The following ANK3 variants were observed in gnomAD, a reference collection of about 807,000 sequenced individuals.
ANK3 encodes the protein ankyrin 3.
In ANK3, 57 loss-of-function variants were observed where a neutral mutation model predicts 370.9. That is an observed-to-expected ratio of 0.15 (90% CI 0.12 to 0.19). ANK3 has a LOEUF of 0.19. ANK3 is among the 10% of genes least tolerant of loss of function. The pLI is 1.00. For synonymous variants in ANK3, 1,929 were observed against 1,946.3 expected, an observed-to-expected ratio of 0.99 and a Z score of 0.23; for missense variants, 4,439 against 5,302.1, an observed-to-expected ratio of 0.84 and a Z score of 5.06.
chr10:60,716,842 T>A (rs1478007585), intron 1 of ANK3, among the ~76,000 whole-genome samples: 2 of 152,166 alleles, frequency 1.3e-5, no homozygotes, highest in Admixed American at 1.3e-4. Flanking sequence ...AGGAAAAAGC[T>A]GAGAGTGGAG....
chr10:60,558,508 A>C (rs1055918507), intron 2 of ANK3, among the ~76,000 whole-genome samples: 1 of 152,204 alleles, frequency 6.6e-6, no homozygotes, highest in Non-Finnish European at 1.5e-5. Flanking sequence ...CAACTAACCA[A>C]GACTTTGAAC....
chr10:60,410,026 G>A (rs2063527864), intron 2 of ANK3, among the ~76,000 whole-genome samples: 1 of 152,036 alleles, frequency 6.6e-6, no homozygotes, highest in African/African-American at 2.4e-5. Flanking sequence ...TCTCCACCTA[G>A]ATTATGCCTC....
rs10994355 is a variant in ANK3, at chr10:60,450,024, A to G, written c.96+165162T>C. Among the ~76,000 whole-genome samples the G allele has an allele frequency of 7.2e-3, 1,104 of 152,332 alleles. 17 individuals carry two copies. Among genetic ancestry groups the G allele is most frequent in the African/African-American group, 0.025 (1,020 of 41,586 alleles). Reference sequence around the variant, plus strand: ...AGAGAAAAAGATAAAGAGGCTGGGCACAGTGACTCATGCTTATAATCCTAG... The same window carrying G: ...AGAGAAAAAGATAAAGAGGCTGGGCGCAGTGACTCATGCTTATAATCCTAG... On this transcript the variant is annotated intron_variant, in intron 2 of 43. Coordinates refer to the ANK3 transcript ENST00000373827.
chr10:60,034,200 G>A (rs891999560), intron 43 of ANK3, among the ~76,000 whole-genome samples: 5 of 136,630 alleles, frequency 3.7e-5, no homozygotes, highest in African/African-American at 5.6e-5. Flanking sequence ...TCCACCTCCC[G>A]GGCTCCAGTG....
intron 18 of ANK3, among the ~76,000 whole-genome samples, chr10:60,175,323 G>C (rs539587570): frequency 1.8e-4 from 28 of 152,282 alleles, no homozygotes; most frequent in Admixed American, 9.2e-4. Context: ...TCCATTCATC[G>C]GGGTTAACAG....
chr10:60,284,401 T>G (rs922543211), intron 1 of ANK3, among the ~76,000 whole-genome samples: 8 of 152,156 alleles, frequency 5.3e-5, no homozygotes, highest in African/African-American at 1.9e-4. Flanking sequence ...TAGCTCCATT[T>G]CATAGATAAG....
At chr10:60,564,111 T>C (rs1004021956) in intron 2 of ANK3, among the ~76,000 whole-genome samples, 2 of 152,194 alleles carry the variant, frequency 1.3e-5, no homozygotes, top group Non-Finnish European at 2.9e-5. Context: ...TTCATGGATG[T>C]GTATGCACAA....
intron 21 of ANK3, among the ~76,000 whole-genome samples, chr10:60,171,790 A>T (rs1049425034): frequency 1.2e-4 from 19 of 152,206 alleles, no homozygotes; most frequent in African/African-American, 4.6e-4. Context: ...TTTCTTATGA[A>T]AACTCCAATA....
At position 60,403,336 on chromosome 10, in the gene ANK3, T is replaced by C. The variant is rs77555660; in HGVS notation, c.97-123697A>G. Among the ~76,000 whole-genome samples the C allele has an allele frequency of 7.0e-4, 107 of 152,310 alleles. 1 individual carries two copies. The East Asian group carries it at 0.019, about 27-fold the overall frequency. On this transcript the variant is annotated intron_variant, in intron 2 of 43. Transcript: ENST00000373827. ...ACAAAGCAAATGAGGACACTTCAAT[T>C]TGTTTTATGAGGCCAGCATAACCTT... is the stretch of plus-strand genomic sequence containing the variant.
chr10:60,436,716 C>G (rs2132993041), intron 2 of ANK3, among the ~76,000 whole-genome samples: 1 of 152,320 alleles, frequency 6.6e-6, no homozygotes, highest in East Asian at 1.9e-4. Flanking sequence ...AGTCCCTTGA[C>G]AGATAGGTGA....
At chr10:60,479,153 C>A (rs558462956) in intron 2 of ANK3, among the ~76,000 whole-genome samples, 21 of 152,062 alleles carry the variant, frequency 1.4e-4, no homozygotes, top group Non-Finnish European at 2.6e-4. Context: ...AGCATCATAG[C>A]AACTGAATGA....
At chr10:60,058,451 T>C (rs1484712967) in intron 41 of ANK3, among the ~76,000 whole-genome samples, 2 of 152,206 alleles carry the variant, frequency 1.3e-5, no homozygotes, top group African/African-American at 2.4e-5. Context: ...TGTAAAAAAC[T>C]GTGTATCTTT....
At chr10:60,468,535 G>A (rs779252223) in intron 2 of ANK3, among the ~76,000 whole-genome samples, 3 of 151,844 alleles carry the variant, frequency 2.0e-5, no homozygotes, top group Non-Finnish European at 4.4e-5. Context: ...TTACATACTG[G>A]ACTCTCTCTC....
rs1197802592 is a variant in ANK3, at chr10:60,059,402, G to GTTTCCACTTGATGTCTCATTC, written c.12603_12623dup (p.Gly4207_Asn4208insLysAsnGluThrSerSerGly). ...TTCGAGCTTGAGCGCAGGACTCTAG[G>GTTTCCACTTGATGTCTCATTC]TTTCCACTTGATGTCTCATTCTGCC... On this transcript the variant is annotated inframe_insertion, in exon 41 of 44. Transcript: ENST00000280772. 7.4e-6 allele frequency: 12 copies of GTTTCCACTTGATGTCTCATTC among 1,614,036 alleles called. No homozygotes were observed. Among genetic ancestry groups the GTTTCCACTTGATGTCTCATTC allele is most frequent in the Non-Finnish European group, 6.8e-6 (8 of 1,179,972 alleles).
chr10:60,418,161 C>T (rs2132945596), intron 2 of ANK3, among the ~76,000 whole-genome samples: 1 of 152,258 alleles, frequency 6.6e-6, no homozygotes, highest in Non-Finnish European at 1.5e-5. Flanking sequence ...CTAATGCCGG[C>T]CTCCTGATAT....
At chr10:60,457,530 C>T (rs1407405136) in intron 2 of ANK3, among the ~76,000 whole-genome samples, 1 of 152,086 alleles carries the variant, frequency 6.6e-6, no homozygotes, top group Non-Finnish European at 1.5e-5. Flanking sequence ...TAGCAAGTTC[C>T]AGTGGTCTCT....
At chr10:60,136,640 A>C (rs2094357877) in intron 24 of ANK3, among the ~76,000 whole-genome samples, 1 of 152,132 alleles carries the variant, frequency 6.6e-6, no homozygotes, top group Admixed American at 6.6e-5. Flanking sequence ...TAATTTCTCT[A>C]TGAGTGCCAA....
Position 60,069,183 on chromosome 10 carries a change from C to G in ANK3, c.11698G>C (p.Ala3900Pro). The change falls in exon 37 of 44, where the codon GCC becomes CCC. Residue 3900 changes from alanine to proline, a missense_variant. Ala to Pro is a conservative substitution (Grantham distance 27, BLOSUM62 -1). Coordinates refer to ENST00000280772, the MANE Select transcript of ANK3 (RefSeq NM_020987.5). ...KQVSQSEKTKALTTSSCVDVK... is the reference protein window; with the variant it reads ...KQVSQSEKTKPLTTSSCVDVK... ...TCTACACATGAAGAAGTAGTAAGGG[C>G]TTTGGTTTTCTCGGATTGACTAACC... The G allele has an allele frequency of 6.2e-7, 1 of 1,614,086 alleles. No homozygotes were observed. Among genetic ancestry groups the G allele is most frequent in the Non-Finnish European group, 8.5e-7 (1 of 1,180,002 alleles).
chr10:60,452,228 AC>A (rs1567052339), intron 2 of ANK3, among the ~76,000 whole-genome samples: 1 of 152,218 alleles, frequency 6.6e-6, no homozygotes, highest in East Asian at 1.9e-4. Flanking sequence ...TTCTCCAGGT[AC>A]AAATTTCAAG....
Sources: gnomAD v4.1 joint callset for allele counts (sites outside exome capture counted in the v4.1 genomes callset) on GRCh38, gnomAD v4.1.1 for gene constraint, MANE v1.5 for transcripts, NCBI Gene and HGNC (gene_info 2026-07-23, HGNC 2026-07-21) for gene names.